Variants in ADAM2 observed in about 807,000 individuals in gnomAD.
ADAM2 encodes disintegrin and metalloproteinase domain-containing protein 2.
ADAM2 carries 101 observed loss-of-function variants against 99.3 expected under a neutral mutation model. That is an observed-to-expected ratio of 1.02 (90% CI 0.87 to 1.20). ADAM2 has a LOEUF of 1.20. ADAM2 is among the 50% of genes most tolerant of loss of function. The pLI, the probability that ADAM2 is intolerant of heterozygous loss-of-function variation, is 0.00. For missense variants in ADAM2, 948 were observed against 878.7 expected, an observed-to-expected ratio of 1.08 and a Z score of -1.00; for synonymous variants, 323 against 287.6, an observed-to-expected ratio of 1.12 and a Z score of -1.25.
intron 7 of ADAM2, among the ~76,000 whole-genome samples, chr8:39,795,820 T>C (rs1404892589): frequency 6.6e-6 from 1 of 152,164 alleles, no homozygotes; most frequent in Non-Finnish European, 1.5e-5. Flanking sequence ...TGTTTTTATA[T>C]GGTATAAAGA....
intron 3 of ADAM2, among the ~76,000 whole-genome samples, chr8:39,830,158 C>T (rs2129589092): frequency 6.6e-6 from 1 of 152,152 alleles, no homozygotes; most frequent in East Asian, 1.9e-4. Flanking sequence ...TTTTATTATG[C>T]AATGAACATT....
intron 7 of ADAM2, among the ~76,000 whole-genome samples, chr8:39,798,990 C>T (rs1431474052): frequency 9.1e-6 from 1 of 109,444 alleles, no homozygotes; most frequent in Non-Finnish European, 1.8e-5. Context: ...AAAAAACCAG[C>T]TCCTGGATTC....
intron 18 of ADAM2, among the ~76,000 whole-genome samples, chr8:39,747,814 T>TTACCA (rs1823535843): frequency 6.6e-6 from 1 of 152,172 alleles, no homozygotes. Context: ...TTCATAATAA[T>TTACCA]GGTTTCACTT....
Position 39,755,818 on chromosome 8 carries a change from T to A in ADAM2, c.1707A>T (p.Gly569=). 3 of 1,610,130 alleles carry A rather than the reference T, an allele frequency of 1.9e-6. No individual in the cohort carries two copies. The highest frequency in any genetic ancestry group is 2.5e-6 in the Non-Finnish European group (3 of 1,176,586). Residue 569 remains glycine (G), a synonymous_variant, in exon 16 of 21, where the codon GGA becomes GGT. Transcript: ENST00000265708. ...RATIIYANIS[G]HLCIAVEFAS... ...CAAATTCCACAGCAATGCAGAGATG[T>A]CCACTTATGTTGGCATAAATAATAG...
At chr8:39,780,014 A>G (rs901224091) in intron 10 of ADAM2, among the ~76,000 whole-genome samples, 1 of 152,126 alleles carries the variant, frequency 6.6e-6, no homozygotes, top group Non-Finnish European at 1.5e-5. Context: ...TGCTGCGGGT[A>G]AAGACATACC....
chr8:39,836,230 CTATCT>C (rs1453054445), intron 2 of ADAM2, among the ~76,000 whole-genome samples: 1 of 151,918 alleles, frequency 6.6e-6, no homozygotes, highest in African/African-American at 2.4e-5. Context: ...TTGCAAATAA[CTATCT>C]TATAACAATC....
intron 6 of ADAM2, among the ~76,000 whole-genome samples, chr8:39,811,063 A>G (rs1158753539): frequency 1.3e-5 from 2 of 152,194 alleles, no homozygotes; most frequent in African/African-American, 4.8e-5. Flanking sequence ...AGAAGAAAAG[A>G]GAGAAGAATC....
intron 10 of ADAM2, among the ~76,000 whole-genome samples, chr8:39,781,191 G>A (rs1803215562): frequency 6.6e-6 from 1 of 152,018 alleles, no homozygotes; most frequent in Non-Finnish European, 1.5e-5. Flanking sequence ...GTACCCATAT[G>A]TACACATTCA....
rs752991137 is a variant in ADAM2 at position 39,766,928 on chromosome 8, G to A, written c.1427C>T (p.Pro476Leu). Residue 476 changes from proline to leucine, a missense_variant, in exon 14 of 21, where the codon CCG becomes CTG. Transcript: ENST00000265708. ...ACAGATCCATTGATTCAGTCCACAC[G>A]GATGCCCAGTCTGAACATAGTGGTT... ...PENHYVQTGH[P>L]CGLNQWICID... The A allele has an allele frequency of 8.1e-6, 13 of 1,613,978 alleles. No individual in the cohort carries two copies. The highest frequency in any genetic ancestry group is 6.6e-5 in the South Asian group (6 of 91,070).
rs1176947363 is a variant in ADAM2 at position 39,755,972 on chromosome 8, T to C, written c.1614-61A>G. 3.2e-6 allele frequency: 3 copies of C among 931,726 alleles called. No individual in the cohort carries two copies. The African/African-American group carries it at 5.2e-5, about 16-fold the overall frequency. The allele number at this position is 931,726 out of a possible 1,614,324, so 57.7% of individuals were successfully genotyped here. On this transcript the variant is annotated intron_variant, in intron 15 of 20. Transcript: ENST00000265708. ...AATTTAGAGAAGTACAAGAATATAA[T>C]TTTTAAAATAGATAGATTTAAATAA...
At chr8:39,757,310 C>T (rs749117809) in intron 15 of ADAM2, among the ~76,000 whole-genome samples, 2 of 152,014 alleles carry the variant, frequency 1.3e-5, no homozygotes, top group Non-Finnish European at 2.9e-5. Context: ...CACATGCTCA[C>T]ACTTTGAAGA....
chr8:39,824,161 T>G (rs1272512742), intron 4 of ADAM2, among the ~76,000 whole-genome samples: 2 of 151,094 alleles, frequency 1.3e-5, no homozygotes, highest in African/African-American at 4.9e-5. Context: ...CACATGCCTG[T>G]AATCCCAGCT....
chr8:39,755,632 C>G lies in ADAM2; in HGVS notation c.1797+96G>C. ...GAGGTTGCAGTGAGCAGAGATCACA[C>G]CACTGCACTCTAGCCAGGGCAAGAG... is the stretch of plus-strand genomic sequence containing the variant. On this transcript the variant is annotated intron_variant, in intron 16 of 20. Coordinates refer to ENST00000265708, the MANE Select transcript of ADAM2 (RefSeq NM_001464.5). The G allele has an allele frequency of 3.4e-6, 3 of 885,124 alleles. No homozygotes were observed. In the South Asian group the frequency reaches 4.7e-5, roughly 14 times the overall value. 54.8% of individuals were successfully genotyped at this position (885,124 alleles called of 1,614,324 possible).
intron 4 of ADAM2, among the ~76,000 whole-genome samples, chr8:39,822,170 T>C (rs955631553): frequency 3.3e-5 from 5 of 152,192 alleles, no homozygotes; most frequent in Non-Finnish European, 7.4e-5. Context: ...GAAATTTATG[T>C]GAAAATATTT....
At chr8:39,812,363 T>C (rs1269589150) in intron 6 of ADAM2, among the ~76,000 whole-genome samples, 1 of 152,240 alleles carries the variant, frequency 6.6e-6, no homozygotes, top group Non-Finnish European at 1.5e-5. Context: ...AGGTAATTTA[T>C]GGATTCAATG....
At chr8:39,837,528 A>C (rs1284279330) in intron 1 of ADAM2, among the ~76,000 whole-genome samples, 1 of 152,022 alleles carries the variant, frequency 6.6e-6, no homozygotes, top group African/African-American at 2.4e-5. Context: ...CTGGGACTAC[A>C]GGCACGCACT....
At chr8:39,762,989 G>T (rs953298199) in intron 14 of ADAM2, among the ~76,000 whole-genome samples, 2 of 152,118 alleles carry the variant, frequency 1.3e-5, no homozygotes, top group African/African-American at 4.8e-5. Context: ...GTTTTAACTT[G>T]GGCATATTCT....
chr8:39,820,922 T>C (rs1805151707), intron 6 of ADAM2, 80 bp downstream of exon 6: 2 of 904,972 alleles, frequency 2.2e-6, no homozygotes, highest in East Asian at 2.6e-5. Context: ...TGTGTAAATA[T>C]GTAATTTATC....
At chr8:39,807,686 A>G (rs569254859) in intron 7 of ADAM2, among the ~76,000 whole-genome samples, 2 of 152,162 alleles carry the variant, frequency 1.3e-5, no homozygotes, top group Non-Finnish European at 2.9e-5. Context: ...GAATGTAACC[A>G]TGCTGCTACC....
Sources: gnomAD v4.1 joint callset for allele counts (sites outside exome capture counted in the v4.1 genomes callset) on GRCh38, gnomAD v4.1.1 for gene constraint, MANE v1.5 for transcripts, NCBI Gene and HGNC (gene_info 2026-07-23, HGNC 2026-07-21) for gene names.